EXOC4: variants seen among roughly 807,000 people sequenced by gnomAD.
EXOC4 encodes exocyst complex component 4, also known as SEC8-like 1.
Under a neutral mutation model 107.2 loss-of-function variants are expected in EXOC4, and 71 were observed. The observed-to-expected ratio is 0.66, with a 90% CI of 0.55 to 0.81. The LOEUF (loss-of-function observed/expected upper bound fraction) is 0.81, where lower values mean the gene tolerates loss of function less well. EXOC4 is among the 30% of genes least tolerant of loss of function. The pLI is 0.00. For missense variants in EXOC4, 1,108 were observed against 1,189.6 expected, an observed-to-expected ratio of 0.93 and a Z score of 1.01; for synonymous variants, 456 against 441.2, an observed-to-expected ratio of 1.03 and a Z score of -0.42.
intron 17 of EXOC4, among the ~76,000 whole-genome samples, chr7:134,013,080 G>T (rs146665445): frequency 2.0e-5 from 3 of 152,162 alleles, no homozygotes; most frequent in African/African-American, 7.2e-5. Context: ...TTGGGAATAA[G>T]TTCCTCACTC....
At chr7:133,960,063 G>A (rs906656224) in intron 14 of EXOC4, among the ~76,000 whole-genome samples, 2 of 152,120 alleles carry the variant, frequency 1.3e-5, no homozygotes, top group Non-Finnish European at 2.9e-5. Flanking sequence ...ATCATGACAG[G>A]ATATGCCAAG....
intron 17 of EXOC4, among the ~76,000 whole-genome samples, chr7:134,043,985 G>T (rs1366447510): frequency 2.0e-5 from 3 of 152,196 alleles, no homozygotes; most frequent in Non-Finnish European, 2.9e-5. Context: ...GGCCTGATCG[G>T]TGATGGAGCA....
At chr7:133,444,452 A>G (rs1798172642) in intron 7 of EXOC4, among the ~76,000 whole-genome samples, 1 of 152,204 alleles carries the variant, frequency 6.6e-6, no homozygotes, top group Non-Finnish European at 1.5e-5. Flanking sequence ...AGATAGAACA[A>G]GATAGACAGT....
intron 9 of EXOC4, among the ~76,000 whole-genome samples, chr7:133,574,308 T>G (rs1371988364): frequency 6.6e-6 from 1 of 152,194 alleles, no homozygotes; most frequent in African/African-American, 2.4e-5. Context: ...TATACATACA[T>G]GTTTACACAT....
intron 14 of EXOC4, among the ~76,000 whole-genome samples, chr7:133,943,956 G>A (rs1370788772): frequency 6.6e-6 from 1 of 151,990 alleles, no homozygotes; most frequent in African/African-American, 2.4e-5. Flanking sequence ...ATGTATCCAT[G>A]GTGGGGGTCC....
At chr7:134,026,260 G>A (rs4731993) in intron 17 of EXOC4, among the ~76,000 whole-genome samples, 15 of 150,868 alleles carry the variant, frequency 9.9e-5, no homozygotes, top group Admixed American at 3.3e-4. Flanking sequence ...GTCTCCCCAC[G>A]ATGGCAAAGT....
At chr7:133,820,022 A>G (rs1439608461) in intron 11 of EXOC4, among the ~76,000 whole-genome samples, 1 of 152,082 alleles carries the variant, frequency 6.6e-6, no homozygotes, top group Non-Finnish European at 1.5e-5. Flanking sequence ...CTAGGTAAGA[A>G]CTCCAGCTTT....
intron 14 of EXOC4, among the ~76,000 whole-genome samples, chr7:133,945,264 C>A (rs1800523023): frequency 6.6e-6 from 1 of 152,162 alleles, no homozygotes; most frequent in African/African-American, 2.4e-5. Context: ...TAACATATCC[C>A]CAGGCAATTT....
At chr7:133,272,340 C>G (rs1040614259) in intron 1 of EXOC4, among the ~76,000 whole-genome samples, 1 of 152,056 alleles carries the variant, frequency 6.6e-6, no homozygotes, top group East Asian at 1.9e-4. Flanking sequence ...TTTAAATCCC[C>G]GTACTATTCC....
intron 6 of EXOC4, among the ~76,000 whole-genome samples, chr7:133,367,335 A>C (rs1281918285): frequency 6.6e-6 from 1 of 152,170 alleles, no homozygotes; most frequent in Admixed American, 6.5e-5. Context: ...GGAAAGCAGA[A>C]GAGTGGAGGG....
chr7:133,742,973 A>AT (rs764585584), intron 10 of EXOC4, among the ~76,000 whole-genome samples: 2 of 152,186 alleles, frequency 1.3e-5, no homozygotes, highest in Non-Finnish European at 2.9e-5. Context: ...TTTAACAAAG[A>AT]TTCTTGCTGT....
intron 10 of EXOC4, among the ~76,000 whole-genome samples, chr7:133,648,456 T>G (rs1803047106): frequency 6.6e-6 from 1 of 152,204 alleles, no homozygotes; most frequent in Non-Finnish European, 1.5e-5. Context: ...ATGAGATATG[T>G]GCAATATAAT....
At chr7:133,737,810 T>C (rs1227442903) in intron 10 of EXOC4, among the ~76,000 whole-genome samples, 25 of 152,156 alleles carry the variant, frequency 1.6e-4, no homozygotes, top group Non-Finnish European at 2.5e-4. Flanking sequence ...ATTCAGACTT[T>C]CAGTTAAATG....
chr7:133,435,835 T>A (rs1797958344), intron 7 of EXOC4, among the ~76,000 whole-genome samples: 1 of 152,162 alleles, frequency 6.6e-6, no homozygotes, highest in Non-Finnish European at 1.5e-5. Flanking sequence ...AGGGTAAAGT[T>A]TTTGCCGTTT....
intron 13 of EXOC4, among the ~76,000 whole-genome samples, chr7:133,926,290 C>T (rs1288742118): frequency 3.3e-5 from 5 of 152,134 alleles, no homozygotes; most frequent in African/African-American, 1.2e-4. Flanking sequence ...CTTCCAGAGC[C>T]ACCACACTAT....
rs544843993 is a variant in EXOC4, at chr7:133,896,502, C to A, written c.1871+767C>A. Among the ~76,000 whole-genome samples the A allele has an allele frequency of 5.8e-5, 7 of 120,062 alleles. No individual in the cohort carries two copies. In the East Asian group the frequency reaches 1.5e-3, roughly 26 times the overall value. The allele number at this position is 120,062 out of a possible 152,430, so 78.8% of individuals were successfully genotyped here. A position where few individuals can be genotyped will look rare whatever the true frequency, so the allele number is the denominator to read the frequency against. On this transcript the variant is annotated intron_variant, in intron 12 of 17. Transcript: ENST00000253861. Reference sequence around the variant, plus strand: ...GTATAGACTGTGAGGGCAGAAGGAACAAAAAACAAGAAAGAGAAAGGGGTT... The same window carrying A: ...GTATAGACTGTGAGGGCAGAAGGAAAAAAAAACAAGAAAGAGAAAGGGGTT...
intron 2 of EXOC4, among the ~76,000 whole-genome samples, chr7:133,282,434 A>G (rs1002491256): frequency 1.3e-5 from 2 of 152,210 alleles, no homozygotes; most frequent in African/African-American, 4.8e-5. Context: ...CATTTGTTTT[A>G]GGAAGAAACA....
chr7:133,511,927 C>G (rs947629843), intron 9 of EXOC4, among the ~76,000 whole-genome samples: 2 of 152,220 alleles, frequency 1.3e-5, no homozygotes, highest in African/African-American at 4.8e-5. Context: ...CCCCGCCCTT[C>G]TCATTCCTTC....
At chr7:133,687,302 T>C (rs1794327095) in intron 10 of EXOC4, among the ~76,000 whole-genome samples, 1 of 152,028 alleles carries the variant, frequency 6.6e-6, no homozygotes, top group Admixed American at 6.6e-5. Context: ...TTGGGTTTAG[T>C]GTATACTACT....
Sources: allele counts gnomAD v4.1 joint callset (sites outside exome capture counted in the v4.1 genomes callset), GRCh38; gene constraint gnomAD v4.1.1; transcripts MANE v1.5; gene names NCBI Gene and HGNC (gene_info 2026-07-23, HGNC 2026-07-21).